Variants in SLIT3 observed in about 807,000 individuals in gnomAD.
SLIT3 encodes the protein slit guidance ligand 3.
A neutral mutation model predicts 184.0 loss-of-function variants in SLIT3; 68 were observed. That is an observed-to-expected ratio of 0.37 (90% confidence interval 0.30 to 0.45). The LOEUF (loss-of-function observed/expected upper bound fraction) is 0.45, where lower values mean the gene tolerates loss of function less well. SLIT3 is among the 20% of genes least tolerant of loss of function. The pLI is 1.00. For missense variants in SLIT3, 1,707 were observed against 2,026.0 expected, an observed-to-expected ratio of 0.84 and a Z score of 3.02; for synonymous variants, 831 against 828.6, an observed-to-expected ratio of 1.00 and a Z score of -0.05.
intron 31 of SLIT3, 33 bp downstream of exon 31, chr5:168,685,654 G>A (rs1761719169): frequency 6.6e-7 from 1 of 1,512,130 alleles, no homozygotes; most frequent in East Asian, 2.3e-5. Flanking sequence ...GCATGTTGAG[G>A]TCCTTCCAAG....
intron 20 of SLIT3, among the ~76,000 whole-genome samples, chr5:168,744,938 T>C (rs564242357): frequency 1.4e-3 from 208 of 152,354 alleles, no homozygotes; most frequent in African/African-American, 4.9e-3. Context: ...AAATATATTT[T>C]GTAAGGCCAT....
chr5:168,667,343 A>C (rs1303799107), intron 35 of SLIT3, among the ~76,000 whole-genome samples: 1 of 152,244 alleles, frequency 6.6e-6, no homozygotes, highest in African/African-American at 2.4e-5. Flanking sequence ...TCATACAAGA[A>C]CATACAGTAT....
intron 4 of SLIT3, among the ~76,000 whole-genome samples, chr5:168,959,630 TG>T (rs1022764977): frequency 2.0e-5 from 3 of 152,122 alleles, no homozygotes; most frequent in Non-Finnish European, 2.9e-5. Flanking sequence ...ACTTCAGGTG[TG>T]GGGGCCAGGA....
chr5:169,088,608 C>A (rs1251438155), intron 4 of SLIT3, among the ~76,000 whole-genome samples: 1 of 152,070 alleles, frequency 6.6e-6, no homozygotes, highest in Non-Finnish European at 1.5e-5. Context: ...ACACCAAAAC[C>A]ATGAGCTGGG....
At chr5:168,994,357 T>C (rs145883441) in intron 4 of SLIT3, among the ~76,000 whole-genome samples, 421 of 152,254 alleles carry the variant, frequency 2.8e-3, no homozygotes, top group African/African-American at 9.4e-3. Context: ...AGCCCTAAGG[T>C]TGACATTGTC....
intron 20 of SLIT3, among the ~76,000 whole-genome samples, chr5:168,731,814 C>T (rs1269890189): frequency 6.6e-6 from 1 of 151,942 alleles, no homozygotes; most frequent in Non-Finnish European, 1.5e-5. Context: ...ATAATAAAGG[C>T]TATATACAAC....
intron 20 of SLIT3, among the ~76,000 whole-genome samples, chr5:168,734,276 C>T (rs535152392): frequency 9.8e-5 from 15 of 152,350 alleles, no homozygotes; most frequent in African/African-American, 3.6e-4. Flanking sequence ...CCGAGCACCA[C>T]AGCCTACCCA....
intron 1 of SLIT3, among the ~76,000 whole-genome samples, chr5:169,298,859 A>G (rs1180680775): frequency 1.3e-5 from 2 of 152,252 alleles, no homozygotes; most frequent in Non-Finnish European, 2.9e-5. Context: ...TCAATGAGAT[A>G]ATACATATAC....
intron 4 of SLIT3, among the ~76,000 whole-genome samples, chr5:169,074,751 C>T (rs1314007153): frequency 6.6e-6 from 1 of 152,164 alleles, no homozygotes; most frequent in East Asian, 1.9e-4. Flanking sequence ...GAAACATTTA[C>T]ACTTCCCAGC....
At chr5:168,957,577 C>T (rs766313902) in intron 4 of SLIT3, among the ~76,000 whole-genome samples, 4 of 152,182 alleles carry the variant, frequency 2.6e-5, no homozygotes, top group Admixed American at 6.5e-5. Flanking sequence ...CTGCTGGTTC[C>T]CAGGCCCGCT....
At chr5:168,940,354 G>A (rs1762291515) in intron 4 of SLIT3, among the ~76,000 whole-genome samples, 1 of 152,160 alleles carries the variant, frequency 6.6e-6, no homozygotes, top group African/African-American at 2.4e-5. Flanking sequence ...TCCAGAGAAA[G>A]AAGGTGATTC....
chr5:168,755,423 TTCTTTC>T (rs1754892422), intron 16 of SLIT3, among the ~76,000 whole-genome samples: 1 of 37,626 alleles, frequency 2.7e-5, no homozygotes. Flanking sequence ...CTTTCTTTCT[TTCTTTC>T]TTTCTTTCTT....
intron 4 of SLIT3, among the ~76,000 whole-genome samples, chr5:169,009,603 G>A (rs1756063692): frequency 6.6e-6 from 1 of 152,220 alleles, no homozygotes; most frequent in African/African-American, 2.4e-5. Context: ...AGGGGCTTAG[G>A]TTACAGATAG....
At chr5:169,183,018 C>A (rs1763219270) in intron 4 of SLIT3, among the ~76,000 whole-genome samples, 1 of 152,172 alleles carries the variant, frequency 6.6e-6, no homozygotes, top group Non-Finnish European at 1.5e-5. Flanking sequence ...TGGGTCCCAG[C>A]CAAGGAAGTC....
rs115128502 is a variant in SLIT3, at chr5:168,864,173, C to T, written c.485+19092G>A. ...TGCAGTGAGCCACTGCACTCCAGCC[C>T]GGCCGACAAAGTGAGACCTTGTCTC... On this transcript the variant is annotated intron_variant, in intron 5 of 35. Transcript: ENST00000519560. Among the ~76,000 whole-genome samples, 1,476 of 152,184 alleles carry T rather than the reference C, an allele frequency of 9.7e-3. 21 individuals are homozygous for T. Among genetic ancestry groups the T allele is most frequent in the African/African-American group, 0.034 (1,419 of 41,508 alleles).
At chr5:169,020,827 C>T (rs1398130963) in intron 4 of SLIT3, among the ~76,000 whole-genome samples, 3 of 152,214 alleles carry the variant, frequency 2.0e-5, no homozygotes, top group Non-Finnish European at 4.4e-5. Flanking sequence ...AGTCTCTGCT[C>T]ACTTTCTAAA....
chr5:168,685,588 G>C (rs1761716799), intron 31 of SLIT3, 99 bp downstream of exon 31: 3 of 1,420,512 alleles, frequency 2.1e-6, no homozygotes, highest in South Asian at 1.5e-5. Context: ...CCCTGATGGT[G>C]CTTTACTGTT....
At chr5:169,281,600 A>G (rs917379151) in intron 1 of SLIT3, among the ~76,000 whole-genome samples, 24 of 116,044 alleles carry the variant, frequency 2.1e-4, no homozygotes, top group Non-Finnish European at 2.0e-4. Context: ...TACATAAATA[A>G]TTGATGGGGG....
intron 4 of SLIT3, among the ~76,000 whole-genome samples, chr5:169,188,329 C>T (rs1306150289): frequency 6.6e-6 from 1 of 152,208 alleles, no homozygotes; most frequent in Non-Finnish European, 1.5e-5. Context: ...GCAATATTAA[C>T]CAGTCAGCCT....
Sources: gnomAD v4.1 joint callset for allele counts (sites outside exome capture counted in the v4.1 genomes callset) on GRCh38, gnomAD v4.1.1 for gene constraint, MANE v1.5 for transcripts, NCBI Gene and HGNC (gene_info 2026-07-23, HGNC 2026-07-21) for gene names.